The following AUTS2 variants were observed in gnomAD, a reference collection of about 807,000 sequenced individuals.
AUTS2 encodes the protein activator of transcription and developmental regulator AUTS2, also known as autism susceptibility gene 2 protein.
In AUTS2, 17 loss-of-function variants were observed where a neutral mutation model predicts 112.4. The observed-to-expected ratio is 0.15, with a 90% CI of 0.10 to 0.23. The LOEUF is 0.23. Ranked by LOEUF, AUTS2 falls within the 10% of genes least tolerant of loss-of-function variation. The pLI is 1.00. For synonymous variants in AUTS2, 751 were observed against 702.7 expected (o/e 1.07, Z -1.09); for missense variants, 1,510 against 1,701.6 (o/e 0.89, Z 1.98).
chr7:69,957,686 G>A (rs1658840837), intron 2 of AUTS2, among the ~76,000 whole-genome samples: 1 of 152,010 alleles, frequency 6.6e-6, no homozygotes, highest in African/African-American at 2.4e-5. Context: ...GGTATCTTGG[G>A]GTCTAGATGA....
Position 70,677,998 on chromosome 7 carries a change from C to T in AUTS2, c.691-20571C>T, listed in dbSNP as rs952053829. ...TTGGGAGGCTGAGGCAGGAGAATGGCGTGAACCCGGGAGGCGGAGCTTGCA... is the reference window on the plus strand; with the variant it reads ...TTGGGAGGCTGAGGCAGGAGAATGGTGTGAACCCGGGAGGCGGAGCTTGCA... On this transcript the variant is annotated intron_variant, in intron 5 of 18. Transcript: ENST00000342771. 6.2e-4 allele frequency among the ~76,000 whole-genome samples: 95 copies of T among 152,046 alleles called. 1 individual carries two copies. Among genetic ancestry groups the T allele is most frequent in the Middle Eastern group, 6.4e-3 (2 of 314 alleles).
intron 6 of AUTS2, among the ~76,000 whole-genome samples, chr7:70,753,548 T>C (rs1788995906): frequency 6.6e-6 from 1 of 152,214 alleles, no homozygotes; most frequent in Admixed American, 6.5e-5. Context: ...CAAGACTGAA[T>C]GTCATCCTTC....
At chr7:69,889,231 G>A (rs1220848505) in intron 1 of AUTS2, among the ~76,000 whole-genome samples, 1 of 152,126 alleles carries the variant, frequency 6.6e-6, no homozygotes, top group Non-Finnish European at 1.5e-5. Flanking sequence ...AGGTTACTGT[G>A]TGTCCTCTAC....
chr7:69,795,370 A>C (rs1431097513), intron 1 of AUTS2, among the ~76,000 whole-genome samples: 1 of 152,124 alleles, frequency 6.6e-6, no homozygotes, highest in Non-Finnish European at 1.5e-5. Flanking sequence ...TCTTGGTAAG[A>C]GTTGTGAATC....
intron 6 of AUTS2, among the ~76,000 whole-genome samples, chr7:70,725,824 C>T (rs1024822833): frequency 3.3e-5 from 5 of 152,104 alleles, no homozygotes; most frequent in African/African-American, 9.7e-5. Context: ...AATTGTCCTC[C>T]CCTTTATATA....
intron 1 of AUTS2, among the ~76,000 whole-genome samples, chr7:69,691,941 A>G (rs76779687): frequency 6.6e-6 from 1 of 152,320 alleles, no homozygotes; most frequent in East Asian, 1.9e-4. Flanking sequence ...TGAGCCAAGT[A>G]GACTGACCTG....
intron 2 of AUTS2, among the ~76,000 whole-genome samples, chr7:69,918,445 G>A (rs935290641): frequency 2.0e-5 from 3 of 152,074 alleles, no homozygotes; most frequent in Admixed American, 2.0e-4. Flanking sequence ...TCATTGTTAC[G>A]AGGTAACTTT....
chr7:69,921,851 A>G (rs1795830747), intron 2 of AUTS2, among the ~76,000 whole-genome samples: 1 of 151,588 alleles, frequency 6.6e-6, no homozygotes, highest in East Asian at 1.9e-4. Flanking sequence ...AGATCACCTG[A>G]GGGCAGGAGT....
intron 4 of AUTS2, among the ~76,000 whole-genome samples, chr7:70,396,278 G>A (rs1215744640): frequency 6.6e-6 from 1 of 151,842 alleles, no homozygotes; most frequent in Admixed American, 6.6e-5. Flanking sequence ...TATACCTTCT[G>A]TCACTATGGA....
intron 4 of AUTS2, among the ~76,000 whole-genome samples, chr7:70,250,585 A>G (rs1374752476): frequency 6.6e-6 from 1 of 152,192 alleles, no homozygotes; most frequent in Non-Finnish European, 1.5e-5. Flanking sequence ...TACATGTACT[A>G]TTTACAATAG....
chr7:70,373,698 T>C (rs2129630844), intron 4 of AUTS2, among the ~76,000 whole-genome samples: 1 of 152,278 alleles, frequency 6.6e-6, no homozygotes, highest in South Asian at 2.1e-4. Flanking sequence ...TCTGCTAAAA[T>C]ATACTTTTTT....
intron 4 of AUTS2, among the ~76,000 whole-genome samples, chr7:70,179,942 AGTG>A (rs1224754657): frequency 6.6e-6 from 1 of 152,194 alleles, no homozygotes; most frequent in African/African-American, 2.4e-5. Context: ...TGGCTTGAGT[AGTG>A]GTCACAGGAG....
intron 2 of AUTS2, among the ~76,000 whole-genome samples, chr7:70,067,037 G>A (rs1214791362): frequency 2.0e-5 from 3 of 152,264 alleles, no homozygotes; most frequent in Admixed American, 2.0e-4. Flanking sequence ...TGTCAGTTTT[G>A]ATAAACATCT....
At chr7:69,887,686 A>AT (rs1794337368) in intron 1 of AUTS2, among the ~76,000 whole-genome samples, 1 of 152,202 alleles carries the variant, frequency 6.6e-6, no homozygotes, top group African/African-American at 2.4e-5. Context: ...ATCAGGATCA[A>AT]TTTGAAGATC....
At chr7:70,580,600 C>T (rs1328274903) in intron 5 of AUTS2, among the ~76,000 whole-genome samples, 8 of 152,334 alleles carry the variant, frequency 5.3e-5, no homozygotes, top group Admixed American at 3.9e-4. Flanking sequence ...GTCTTCTGTT[C>T]GTCAACCTTT....
rs146697145 is a variant in AUTS2, at chr7:70,615,742, G to A, written c.691-82827G>A. Among the ~76,000 whole-genome samples, 25 of 152,120 alleles carry A rather than the reference G, an allele frequency of 1.6e-4. No homozygotes were observed. In the South Asian group the frequency reaches 1.7e-3, roughly 10 times the overall value. The stretch of plus-strand genomic sequence containing the variant: ...TAAGAGTTTGGGGACAGTGCAAAAC[G>A]GCAGTGTGTTCTGTTCAAATTTTTT... On this transcript the variant is annotated intron_variant, in intron 5 of 18. Transcript: ENST00000342771.
chr7:70,375,208 A>G lies in AUTS2; in HGVS notation c.661-60544A>G, dbSNP rs757410388. Reference sequence around the variant, plus strand: ...GAAATGCTTGTGAAACAACGCATATATGATAGAGATTTTTTTCTATCTCAA... The same window carrying G: ...GAAATGCTTGTGAAACAACGCATATGTGATAGAGATTTTTTTCTATCTCAA... On this transcript the variant is annotated intron_variant, in intron 4 of 18. Transcript: ENST00000342771. 1.3e-3 allele frequency among the ~76,000 whole-genome samples: 196 copies of G among 152,336 alleles called. 4 individuals are homozygous for G. Among genetic ancestry groups the G allele is most frequent in the Non-Finnish European group, 3.7e-4 (25 of 68,028 alleles).
chr7:70,213,361 T>TAAAA (rs34904267), intron 4 of AUTS2, among the ~76,000 whole-genome samples: 1 of 97,438 alleles, frequency 1.0e-5, no homozygotes, highest in Admixed American at 1.1e-4. Context: ...ACCCCCTTTC[T>TAAAA]AAAAAAAAAA....
At chr7:70,768,853 T>C (rs2129557835) in intron 10 of AUTS2, among the ~76,000 whole-genome samples, 1 of 151,450 alleles carries the variant, frequency 6.6e-6, no homozygotes, top group South Asian at 2.1e-4. Flanking sequence ...TCTGAAAATT[T>C]GCAAGTTTCT....
Sources: allele counts gnomAD v4.1 joint callset (sites outside exome capture counted in the v4.1 genomes callset), GRCh38; gene constraint gnomAD v4.1.1; transcripts MANE v1.5; gene names NCBI Gene and HGNC (gene_info 2026-07-23, HGNC 2026-07-21).